EXOC4: variants seen among roughly 807,000 people sequenced by gnomAD.
The protein encoded by EXOC4 is SEC8-like 1.
EXOC4 carries 71 observed loss-of-function variants against 107.2 expected under a neutral mutation model. The observed-to-expected ratio is 0.66, with a 90% CI of 0.55 to 0.81. EXOC4 has a LOEUF of 0.81. Among genes scored for constraint, EXOC4 ranks in the 30% least tolerant of loss-of-function variants. The pLI, the probability that EXOC4 is intolerant of heterozygous loss-of-function variation, is 0.00. For missense variants in EXOC4, 1,108 were observed against 1,189.6 expected, an observed-to-expected ratio of 0.93 and a Z score of 1.01; for synonymous variants, 456 against 441.2, an observed-to-expected ratio of 1.03 and a Z score of -0.42.
chr7:133,943,703 G>C (rs1800484595), intron 14 of EXOC4, among the ~76,000 whole-genome samples: 1 of 152,028 alleles, frequency 6.6e-6, no homozygotes, highest in South Asian at 2.1e-4. Flanking sequence ...TCATATTATT[G>C]GCAAATTTGC....
At chr7:133,520,867 G>A (rs776028374) in intron 9 of EXOC4, among the ~76,000 whole-genome samples, 2 of 151,920 alleles carry the variant, frequency 1.3e-5, no homozygotes, top group Non-Finnish European at 2.9e-5. Context: ...TTTCATTTAT[G>A]CCTTTCCCTG....
At chr7:133,408,383 A>T (rs1460129416) in intron 7 of EXOC4, among the ~76,000 whole-genome samples, 1 of 148,850 alleles carries the variant, frequency 6.7e-6, no homozygotes, top group Non-Finnish European at 1.5e-5. Flanking sequence ...GGTGGTGATG[A>T]TGGAGAGATT....
intron 1 of EXOC4, among the ~76,000 whole-genome samples, chr7:133,263,706 A>G (rs1793641327): frequency 6.6e-6 from 1 of 151,992 alleles, no homozygotes; most frequent in Non-Finnish European, 1.5e-5. Flanking sequence ...ATTTTTGTAC[A>G]TGGTTGAAAA....
chr7:133,762,882 T>A (rs141693960), intron 10 of EXOC4, among the ~76,000 whole-genome samples: 125 of 152,262 alleles, frequency 8.2e-4, no homozygotes, highest in African/African-American at 2.8e-3. Context: ...TTTTGACTTT[T>A]AAGAAATATT....
the EXOC4 span, among the ~76,000 whole-genome samples, chr7:134,073,205 CAAAAAAAAAAAAAAA>C: frequency 1.8e-4 from 4 of 22,588 alleles, no homozygotes; most frequent in Admixed American, 2.0e-3. Flanking sequence ...GACTTCCTCT[CAAAAAAAAAAAAAAA>C]AAAAAAAAAA....
intron 7 of EXOC4, among the ~76,000 whole-genome samples, chr7:133,406,528 G>A (rs148096891): frequency 2.5e-4 from 38 of 152,066 alleles, no homozygotes; most frequent in Admixed American, 5.9e-4. Context: ...TAAAGGGAAG[G>A]TATGTATTTT....
At chr7:133,786,384 A>G (rs1796569744) in intron 10 of EXOC4, among the ~76,000 whole-genome samples, 2 of 152,196 alleles carry the variant, frequency 1.3e-5, no homozygotes, top group South Asian at 4.1e-4. Context: ...GACAGAAAAC[A>G]TGGTTTCAGA....
At chr7:133,501,845 A>G (rs1314690005) in intron 9 of EXOC4, among the ~76,000 whole-genome samples, 1 of 152,148 alleles carries the variant, frequency 6.6e-6, no homozygotes, top group African/African-American at 2.4e-5. Context: ...TAATGCAATC[A>G]TCTAGTTCAT....
intron 10 of EXOC4, among the ~76,000 whole-genome samples, chr7:133,680,727 G>A (rs1426750640): frequency 6.6e-6 from 1 of 152,114 alleles, no homozygotes; most frequent in African/African-American, 2.4e-5. Context: ...ATACATTTAA[G>A]CCCCTAATCA....
intron 9 of EXOC4, among the ~76,000 whole-genome samples, chr7:133,488,187 C>T (rs1411632613): frequency 6.6e-6 from 1 of 152,078 alleles, no homozygotes; most frequent in African/African-American, 2.4e-5. Context: ...TATTAATTAA[C>T]AAAATTCAGA....
At chr7:133,394,981 A>G (rs1198186860) in intron 7 of EXOC4, among the ~76,000 whole-genome samples, 2 of 152,054 alleles carry the variant, frequency 1.3e-5, no homozygotes, top group Non-Finnish European at 2.9e-5. Context: ...GAGTCAGTTT[A>G]TGGTAGTAAA....
chr7:133,590,657 G>A (rs533070550), intron 9 of EXOC4, among the ~76,000 whole-genome samples: 93 of 152,232 alleles, frequency 6.1e-4, no homozygotes, highest in South Asian at 5.8e-3. Context: ...GCGGGACTTC[G>A]GGGAAGAGTT....
At position 133,522,338 on chromosome 7, in the gene EXOC4, C is replaced by G. The variant is rs192817644; in HGVS notation, c.1417+42200C>G. Among the ~76,000 whole-genome samples, 936 of 152,156 alleles carry G rather than the reference C, an allele frequency of 6.2e-3. 13 individuals carry two copies. Among genetic ancestry groups the G allele is most frequent in the Middle Eastern group, 0.024 (7 of 294 alleles). The stretch of plus-strand genomic sequence containing the variant: ...TGCACATAATGAATTTCAGGAAATA[C>G]ACAACAACAGCTTCTTCCGCTTGTA... On this transcript the variant is annotated intron_variant, in intron 9 of 17. Transcript: ENST00000253861.
chr7:133,362,260 T>C (rs1796152486), intron 6 of EXOC4, among the ~76,000 whole-genome samples: 1 of 152,204 alleles, frequency 6.6e-6, no homozygotes, highest in South Asian at 2.1e-4. Flanking sequence ...TATTTATATC[T>C]TTGATACATC....
At chr7:134,012,887 G>A (rs574570872) in intron 17 of EXOC4, among the ~76,000 whole-genome samples, 1 of 152,288 alleles carries the variant, frequency 6.6e-6, no homozygotes, top group South Asian at 2.1e-4. Flanking sequence ...AGAAGTCAAG[G>A]GAAGTGTTTT....
intron 10 of EXOC4, among the ~76,000 whole-genome samples, chr7:133,698,055 G>A (rs1263451000): frequency 3.3e-5 from 5 of 151,868 alleles, no homozygotes; most frequent in Non-Finnish European, 5.9e-5. Flanking sequence ...CTGCATATGT[G>A]TTCTGTTTTA....
At chr7:133,811,470 A>G (rs536200690) in intron 10 of EXOC4, among the ~76,000 whole-genome samples, 123 of 152,336 alleles carry the variant, frequency 8.1e-4, no homozygotes, top group African/African-American at 2.8e-3. Context: ...CATCCAGTAC[A>G]CTGTGGTAAA....
chr7:133,525,401 G>T (rs1022313476), intron 9 of EXOC4, among the ~76,000 whole-genome samples: 4 of 152,166 alleles, frequency 2.6e-5, no homozygotes, highest in Non-Finnish European at 4.4e-5. Flanking sequence ...ACTTTTCTGT[G>T]TGTGTATTTC....
intron 16 of EXOC4, 33 bp from the exon 17 acceptor site, chr7:134,007,643 T>C: frequency 6.5e-7 from 1 of 1,530,074 alleles, no homozygotes; most frequent in Non-Finnish European, 8.8e-7. Context: ...CTGTCATCCG[T>C]TTTCTTTGCC....
Sources: allele counts gnomAD v4.1 joint callset (sites outside exome capture counted in the v4.1 genomes callset), GRCh38; gene constraint gnomAD v4.1.1; transcripts MANE v1.5; gene names NCBI Gene and HGNC (gene_info 2026-07-23, HGNC 2026-07-21).